The following DMD variants were observed in gnomAD, a reference collection of about 807,000 sequenced individuals.
DMD encodes the protein mutant dystrophin.
In DMD, 63 loss-of-function variants were observed where a neutral mutation model predicts 330.1. That is an observed-to-expected ratio of 0.19 (90% CI 0.16 to 0.24). The LOEUF (loss-of-function observed/expected upper bound fraction) is 0.24, where lower values mean the gene tolerates loss of function less well. DMD is among the 10% of genes least tolerant of loss of function. DMD has a pLI of 1.00. For synonymous variants in DMD, 1,223 were observed against 959.8 expected (o/e 1.27, Z -5.07); for missense variants, 3,344 against 2,684.1 (o/e 1.25, Z -5.43).
At chrX:31,207,948 G>A (rs750620062) in intron 65 of DMD, among the ~76,000 whole-genome samples, 6 of 111,029 alleles carry the variant, frequency 5.4e-5, no homozygotes, top group South Asian at 3.9e-4. Flanking sequence ...ACAAACCCCC[G>A]TGACGTGAGT....
chrX:32,369,089 A>C (rs1016718830), intron 34 of DMD, among the ~76,000 whole-genome samples: 6 of 111,466 alleles, frequency 5.4e-5, no homozygotes, highest in African/African-American at 1.3e-4. Flanking sequence ...ATCTGACATA[A>C]GTAAAATCCA....
At chrX:32,433,904 T>C (rs1342519739) in intron 29 of DMD, among the ~76,000 whole-genome samples, 2 of 112,043 alleles carry the variant, frequency 1.8e-5, no homozygotes, top group African/African-American at 3.2e-5. Flanking sequence ...TGATATGATT[T>C]GGTACGTCTG....
chrX:31,989,142 T>G (rs899123185), intron 44 of DMD, among the ~76,000 whole-genome samples: 1 of 111,840 alleles, frequency 8.9e-6, no homozygotes, highest in African/African-American at 3.3e-5. Context: ...ATTGATTGGA[T>G]CAGACCCACC....
intron 47 of DMD, among the ~76,000 whole-genome samples, chrX:31,879,687 A>G (rs1008926040): frequency 9.0e-6 from 1 of 111,114 alleles, no homozygotes; most frequent in Non-Finnish European, 1.9e-5. Context: ...CTTTTAACAC[A>G]TATTTTTTTT....
chrX:32,214,650 T>C (rs1203372666), intron 44 of DMD, among the ~76,000 whole-genome samples: 2 of 111,544 alleles, frequency 1.8e-5, no homozygotes, highest in South Asian at 3.8e-4. Flanking sequence ...TTTGCCTCAG[T>C]AGTGGGGAAA....
At chrX:33,150,496 ACT>A (rs1412509785) in intron 1 of DMD, among the ~76,000 whole-genome samples, 2 of 109,116 alleles carry the variant, frequency 1.8e-5, no homozygotes, top group Non-Finnish European at 1.9e-5. Flanking sequence ...GTTTCGCCAT[ACT>A]GGCCAGGTTG....
At chrX:31,951,122 C>CAT (rs767693982) in intron 45 of DMD, among the ~76,000 whole-genome samples, 4,013 of 65,308 alleles carry the variant, frequency 0.061, 152 homozygotes, top group East Asian at 0.16. Context: ...TATATATATA[C>CAT]ATATATATAT....
rs1341593577 is a variant in DMD, at chrX:32,573,782, T to A, written c.1667A>T (p.Asp556Val). The stretch of plus-strand genomic sequence containing the variant: ...AAGACGTTGCCATTTGAGAAGGATG[T>A]CTTGTAAAAGAACCCAGCGGTCTTC... ...WTEDRWVLLQ[D>V]ILLKWQRLTE... is the part of the protein sequence containing the mutation. The change falls in exon 14 of 79, where the codon GAC becomes GTC. Residue 556 changes from aspartate (D) to valine (V), a missense_variant. Physicochemically the swap from Asp to Val is radical, Grantham distance 152. Transcript: ENST00000357033. The A allele has an allele frequency of 8.3e-7, 1 of 1,211,937 alleles. No homozygotes were observed. Among genetic ancestry groups the A allele is most frequent in the Non-Finnish European group, 1.1e-6 (1 of 895,523 alleles).
intron 7 of DMD, among the ~76,000 whole-genome samples, chrX:32,721,509 A>G (rs1453627474): frequency 9.0e-6 from 1 of 110,729 alleles, no homozygotes; most frequent in African/African-American, 3.3e-5. Flanking sequence ...TTCTTTGAAA[A>G]AAAAAATGTT....
At chrX:31,639,326 T>C (rs2079595195) in intron 54 of DMD, among the ~76,000 whole-genome samples, 1 of 111,758 alleles carries the variant, frequency 8.9e-6, no homozygotes. Flanking sequence ...CTGACAGCAC[T>C]TTGGAATATC....
intron 44 of DMD, among the ~76,000 whole-genome samples, chrX:32,160,477 C>T (rs753795684): frequency 3.6e-5 from 4 of 109,968 alleles, no homozygotes; most frequent in Non-Finnish European, 5.7e-5. Flanking sequence ...TCAGGTGATC[C>T]GCCTGCCTCA....
chrX:32,822,863 T>C (rs970064678), intron 5 of DMD, among the ~76,000 whole-genome samples: 1 of 111,329 alleles, frequency 9.0e-6, no homozygotes, highest in Admixed American at 9.6e-5. Flanking sequence ...CACACATTTA[T>C]TGATAGAGAT....
At chrX:33,186,643 T>C (rs570990355) in intron 1 of DMD, among the ~76,000 whole-genome samples, 1 of 111,241 alleles carries the variant, frequency 9.0e-6, no homozygotes, top group Non-Finnish European at 1.9e-5. Flanking sequence ...AATTAATATT[T>C]TCACAATAAA....
intron 7 of DMD, among the ~76,000 whole-genome samples, chrX:32,721,625 T>C (rs1387960133): frequency 9.0e-6 from 1 of 111,238 alleles, no homozygotes; most frequent in Non-Finnish European, 1.9e-5. Context: ...ATATATGTTT[T>C]GCAAATATCT....
intron 7 of DMD, among the ~76,000 whole-genome samples, chrX:32,795,388 A>C (rs1237387652): frequency 1.8e-5 from 2 of 112,246 alleles, no homozygotes; most frequent in Non-Finnish European, 1.9e-5. Context: ...CCTTCTTCAA[A>C]TGGTGCTGAG....
chrX:31,968,656 A>G (rs1419999347), intron 44 of DMD, 142 bp from the exon 45 acceptor site: 1 of 654,916 alleles, frequency 1.5e-6, no homozygotes, highest in African/African-American at 2.2e-5. Flanking sequence ...TCCCTATGAA[A>G]CTGACATGCC....
chrX:31,204,230 CCA>C (rs2043824756), intron 66 of DMD, 112 bp from the exon 67 acceptor site: 3 of 657,987 alleles, frequency 4.6e-6, no homozygotes, highest in Non-Finnish European at 7.3e-6. Flanking sequence ...GCCAGTATTT[CCA>C]CAGAGTGGGG....
At chrX:31,323,731 C>T in intron 61 of DMD, 73 bp from the exon 62 acceptor site, 1 of 943,281 alleles carries the variant, frequency 1.1e-6, no homozygotes, top group Non-Finnish European at 1.5e-6. Context: ...CAACATTAAT[C>T]TCCAGAATTA....
intron 9 of DMD, among the ~76,000 whole-genome samples, chrX:32,657,678 G>C (rs1329260091): frequency 8.9e-6 from 1 of 111,955 alleles, no homozygotes; most frequent in Non-Finnish European, 1.9e-5. Flanking sequence ...TCAGTATTTG[G>C]TTGGAATTCA....
Sources: allele counts gnomAD v4.1 joint callset (sites outside exome capture counted in the v4.1 genomes callset), GRCh38; gene constraint gnomAD v4.1.1; transcripts MANE v1.5; gene names NCBI Gene and HGNC (gene_info 2026-07-23, HGNC 2026-07-21).